ARID2: variants seen among roughly 807,000 people sequenced by gnomAD.
ARID2 encodes the protein AT-rich interactive domain-containing protein 2.
Under a neutral mutation model 184.6 loss-of-function variants are expected in ARID2, and 32 were observed. The ratio of observed to expected loss-of-function variants is 0.17; its 90% confidence interval spans 0.13 to 0.23. ARID2 has a LOEUF of 0.23. Among genes scored for constraint, ARID2 ranks in the 10% least tolerant of loss-of-function variants. ARID2 has a pLI of 1.00. For synonymous variants in ARID2, 836 were observed against 772.6 expected (o/e 1.08, Z -1.36); for missense variants, 1,696 against 2,197.6 (o/e 0.77, Z 4.56).
At chr12:45,837,783 A>G in intron 10 of ARID2, 76 bp downstream of exon 10, 1 of 1,336,204 alleles carries the variant, frequency 7.5e-7, no homozygotes, top group Non-Finnish European at 1.0e-6. Context: ...AAAACCCTCA[A>G]TTTATATTTG....
chr12:45,736,743 T>A (rs1317988777), intron 3 of ARID2, among the ~76,000 whole-genome samples: 1 of 152,194 alleles, frequency 6.6e-6, no homozygotes, highest in African/African-American at 2.4e-5. Flanking sequence ...TTAATATATT[T>A]CCATGAAAAG....
At chr12:45,853,601 T>G (rs749959228) in intron 15 of ARID2, among the ~76,000 whole-genome samples, 245 of 152,358 alleles carry the variant, frequency 1.6e-3, no homozygotes, top group Non-Finnish European at 1.6e-3. Context: ...TATGAGGATT[T>G]TAAGGACAAT....
rs557296405 is a variant in ARID2, at chr12:45,790,137, A to T, written c.285-21281A>T. Among the ~76,000 whole-genome samples, 7 of 152,272 alleles carry T rather than the reference A, an allele frequency of 4.6e-5. No individual in the cohort carries two copies. In the South Asian group the frequency reaches 1.4e-3, roughly 32 times the overall value. On this transcript the variant is annotated intron_variant, in intron 3 of 20. Transcript: ENST00000334344. ...CATTTTTAAATTATTCAGTTCTATTATCTATGAACTTTAAAGTTTATTAGT... is the reference window on the plus strand; with the variant it reads ...CATTTTTAAATTATTCAGTTCTATTTTCTATGAACTTTAAAGTTTATTAGT...
At chr12:45,782,186 A>C (rs1942105520) in intron 3 of ARID2, among the ~76,000 whole-genome samples, 1 of 152,184 alleles carries the variant, frequency 6.6e-6, no homozygotes. Flanking sequence ...AAATTTTATA[A>C]AAATAGAATA....
chr12:45,767,965 T>C (rs113544400), intron 3 of ARID2, among the ~76,000 whole-genome samples: 227 of 152,296 alleles, frequency 1.5e-3, no homozygotes, highest in African/African-American at 5.2e-3. Flanking sequence ...AAGCAGTCAT[T>C]TGGTCTCGAA....
At chr12:45,877,705 A>G (rs1036984864) in intron 16 of ARID2, among the ~76,000 whole-genome samples, 1 of 152,016 alleles carries the variant, frequency 6.6e-6, no homozygotes. Context: ...ACTGTCACTC[A>G]TTTCACTTAT....
At chr12:45,903,419 G>A (rs1288046262) in intron 20 of ARID2, among the ~76,000 whole-genome samples, 2 of 152,124 alleles carry the variant, frequency 1.3e-5, no homozygotes, top group Non-Finnish European at 2.9e-5. Flanking sequence ...ATTCCAAAAT[G>A]ATTTTATCAA....
At chr12:45,882,983 T>C (rs764124259) in intron 16 of ARID2, among the ~76,000 whole-genome samples, 5 of 152,232 alleles carry the variant, frequency 3.3e-5, no homozygotes, top group Non-Finnish European at 7.3e-5. Context: ...GCATTTTCAA[T>C]TGTCAGGATA....
At chr12:45,821,528 T>C (rs1409820842) in intron 6 of ARID2, 41 bp downstream of exon 6, 1 of 1,316,350 alleles carries the variant, frequency 7.6e-7, no homozygotes, top group Non-Finnish European at 1.0e-6. Context: ...TTGAGTTACA[T>C]GCAGCTAAGC....
intron 6 of ARID2, among the ~76,000 whole-genome samples, chr12:45,833,367 C>T (rs1257786622): frequency 1.3e-5 from 2 of 152,104 alleles, no homozygotes; most frequent in Non-Finnish European, 2.9e-5. Context: ...TAATTATGTT[C>T]ATATTTTTAT....
intron 16 of ARID2, among the ~76,000 whole-genome samples, chr12:45,874,903 G>T (rs1477063417): frequency 6.6e-6 from 1 of 152,206 alleles, no homozygotes; most frequent in East Asian, 1.9e-4. Context: ...GCAGGAAGAT[G>T]GCTTGAACCT....
intron 20 of ARID2, chr12:45,904,478 G>A (rs770411064): frequency 7.0e-6 from 4 of 573,996 alleles, no homozygotes; most frequent in Non-Finnish European, 1.3e-5. Flanking sequence ...GGATCACAAG[G>A]TCAAGAGATC....
At chr12:45,854,129 C>T (rs1943603675) in intron 15 of ARID2, among the ~76,000 whole-genome samples, 1 of 152,134 alleles carries the variant, frequency 6.6e-6, no homozygotes, top group Non-Finnish European at 1.5e-5. Context: ...GTTGCACGCT[C>T]CTTAGGAGAA....
chr12:45,731,789 GTA>G (rs1941007816), intron 3 of ARID2, among the ~76,000 whole-genome samples: 1 of 151,620 alleles, frequency 6.6e-6, no homozygotes, highest in African/African-American at 2.4e-5. Flanking sequence ...AGGTTTTTCA[GTA>G]GAATATTCCT....
chr12:45,806,387 T>C (rs940196354), intron 3 of ARID2, among the ~76,000 whole-genome samples: 4 of 152,144 alleles, frequency 2.6e-5, no homozygotes, highest in African/African-American at 9.6e-5. Flanking sequence ...TTTACATCCT[T>C]TCATGCCTTT....
At chr12:45,803,736 A>G (rs1323545838) in intron 3 of ARID2, among the ~76,000 whole-genome samples, 1 of 152,072 alleles carries the variant, frequency 6.6e-6, no homozygotes, top group Non-Finnish European at 1.5e-5. Context: ...CTGCCACTTT[A>G]TTGTTTAGTT....
chr12:45,766,922 C>T (rs946724713), intron 3 of ARID2, among the ~76,000 whole-genome samples: 4 of 150,268 alleles, frequency 2.7e-5, no homozygotes, highest in Non-Finnish European at 4.4e-5. Flanking sequence ...GAGCCAAGAT[C>T]GCGCCATTGC....
chr12:45,757,253 A>G (rs1159153303), intron 3 of ARID2, among the ~76,000 whole-genome samples: 1 of 152,204 alleles, frequency 6.6e-6, no homozygotes, highest in Non-Finnish European at 1.5e-5. Flanking sequence ...ACTATTTGGA[A>G]AAACAGTTAA....
chr12:45,839,007 A>G (rs1943278864), intron 10 of ARID2, among the ~76,000 whole-genome samples: 1 of 151,360 alleles, frequency 6.6e-6, no homozygotes, highest in African/African-American at 2.4e-5. Flanking sequence ...CTGGGACTAC[A>G]GGCACCATGC....
Sources: allele counts gnomAD v4.1 joint callset (sites outside exome capture counted in the v4.1 genomes callset), GRCh38; gene constraint gnomAD v4.1.1; transcripts MANE v1.5; gene names NCBI Gene and HGNC (gene_info 2026-07-23, HGNC 2026-07-21).